The following IQSEC1 variants were observed in gnomAD, a reference collection of about 807,000 sequenced individuals.
IQSEC1 encodes the protein IQ motif and Sec7 domain ArfGEF 1, also known as IQ motif and SEC7 domain-containing protein 1.
A neutral mutation model predicts 91.0 loss-of-function variants in IQSEC1; 31 were observed. The ratio of observed to expected loss-of-function variants is 0.34; its 90% CI spans 0.26 to 0.46. The LOEUF is 0.46. Among genes scored for constraint, IQSEC1 ranks in the 20% least tolerant of loss-of-function variants. The pLI is 1.00. For synonymous variants in IQSEC1, 699 were observed against 662.6 expected (o/e 1.05, Z -0.84); for missense variants, 1,388 against 1,575.6 (o/e 0.88, Z 2.02).
At chr3:13,064,007 AAAAAAAAAC>A (rs536495175) in intron 1 of IQSEC1, among the ~76,000 whole-genome samples, 58 of 152,196 alleles carry the variant, frequency 3.8e-4, no homozygotes, top group African/African-American at 1.4e-3. Context: ...GTTGTAAAAA[AAAAAAAAAC>A]AAAAAACAAT....
intron 2 of IQSEC1, among the ~76,000 whole-genome samples, chr3:13,158,524 T>C (rs1436726567): frequency 6.6e-6 from 1 of 152,104 alleles, no homozygotes; most frequent in Non-Finnish European, 1.5e-5. Context: ...AGGCCCACCG[T>C]CTCCAGAATC....
chr3:13,194,164 T>G (rs547945282), intron 1 of IQSEC1, among the ~76,000 whole-genome samples: 1 of 152,232 alleles, frequency 6.6e-6, no homozygotes, highest in East Asian at 1.9e-4. Context: ...CCCTGTCTCC[T>G]CATCCCGTTC....
intron 1 of IQSEC1, among the ~76,000 whole-genome samples, chr3:13,222,043 A>G (rs1046822978): frequency 6.6e-6 from 1 of 152,166 alleles, no homozygotes; most frequent in Non-Finnish European, 1.5e-5. Context: ...CATAACACAC[A>G]TTTACCACCT....
At chr3:12,995,913 T>A (rs1372467469) in intron 1 of IQSEC1, among the ~76,000 whole-genome samples, 5 of 152,218 alleles carry the variant, frequency 3.3e-5, no homozygotes, top group Non-Finnish European at 5.9e-5. Flanking sequence ...GTGTGGTGGC[T>A]CATGCCTGTA....
At chr3:12,982,207 C>G (rs919285891) in intron 1 of IQSEC1, among the ~76,000 whole-genome samples, 3 of 152,190 alleles carry the variant, frequency 2.0e-5, no homozygotes, top group African/African-American at 7.2e-5. Context: ...TGTCCTTTAG[C>G]ATTTTATCAA....
intron 1 of IQSEC1, among the ~76,000 whole-genome samples, chr3:13,276,669 C>G (rs985603545): frequency 3.9e-5 from 6 of 152,190 alleles, no homozygotes; most frequent in African/African-American, 1.4e-4. Context: ...CAGAGCAAGG[C>G]CAAGGCTGAT....
chr3:13,016,063 C>T (rs532109841), intron 1 of IQSEC1, among the ~76,000 whole-genome samples: 1 of 152,022 alleles, frequency 6.6e-6, no homozygotes, highest in Non-Finnish European at 1.5e-5. Context: ...GGGTGCCCTA[C>T]TTACTTAGCA....
At chr3:12,947,596 G>A (rs940490696) in intron 1 of IQSEC1, among the ~76,000 whole-genome samples, 3 of 152,184 alleles carry the variant, frequency 2.0e-5, no homozygotes, top group Non-Finnish European at 2.9e-5. Context: ...AGATGGGAAT[G>A]GCCATGAGCA....
At chr3:13,245,765 T>TAA (rs1559285414) in intron 1 of IQSEC1, among the ~76,000 whole-genome samples, 2,208 of 106,560 alleles carry the variant, frequency 0.021, 64 homozygotes, top group African/African-American at 0.12. Flanking sequence ...AGACCCTGTT[T>TAA]CAAAAAAAAA....
chr3:13,076,582 A>C (rs1013080230), upstream of IQSEC1, among the ~76,000 whole-genome samples: 2 of 152,182 alleles, frequency 1.3e-5, no homozygotes, highest in African/African-American at 2.4e-5. Context: ...GAGCTCTTCA[A>C]GGCAGGGAGC....
intron 1 of IQSEC1, among the ~76,000 whole-genome samples, chr3:13,201,555 G>A (rs1391029125): frequency 1.3e-5 from 2 of 152,012 alleles, no homozygotes; most frequent in Admixed American, 1.3e-4. Context: ...TGTTGCTCAG[G>A]CTGGTCTCGA....
Position 13,211,464 on chromosome 3 carries a change from G to C in IQSEC1, c.273-47331C>G, listed in dbSNP as rs1403455347. On this transcript the variant is annotated intron_variant, in intron 1 of 15. Coordinates refer to the IQSEC1 transcript ENST00000648114. This position sits in a 1 kb window ranked among gnomAD's most constrained non-coding sequence, Gnocchi z 5.3. ...TGCCCCAGGTCACCTTACAAACAAA[G>C]ACCCCAACTCAGGGTCTCGGCTCTT... is the stretch of plus-strand genomic sequence containing the variant. Among the ~76,000 whole-genome samples the C allele has an allele frequency of 6.6e-6, 1 of 150,476 alleles. No homozygotes were observed. The highest frequency in any genetic ancestry group is 6.6e-5 in the Admixed American group (1 of 15,040).
chr3:12,950,410 G>A (rs1699463626), intron 1 of IQSEC1, among the ~76,000 whole-genome samples: 1 of 152,216 alleles, frequency 6.6e-6, no homozygotes, highest in Admixed American at 6.5e-5. Context: ...GCTCACGCCT[G>A]CAATCCTAGC....
intron 1 of IQSEC1, among the ~76,000 whole-genome samples, chr3:13,208,104 A>C (rs921530798): frequency 3.3e-5 from 5 of 151,378 alleles, no homozygotes; most frequent in Non-Finnish European, 7.4e-5. Flanking sequence ...AGAACATGGC[A>C]AGACTTGGGT....
intron 1 of IQSEC1, among the ~76,000 whole-genome samples, chr3:13,250,737 G>A (rs905919482): frequency 6.6e-6 from 1 of 151,812 alleles, no homozygotes; most frequent in Non-Finnish European, 1.5e-5. Flanking sequence ...AAAGTGCTGG[G>A]ATTGCAGGCA....
chr3:12,916,858 C>G (rs994722693), intron 6 of IQSEC1, among the ~76,000 whole-genome samples: 1 of 152,174 alleles, frequency 6.6e-6, no homozygotes, highest in African/African-American at 2.4e-5. Flanking sequence ...GCACATGGGC[C>G]GTTTCTCTTA....
Position 13,196,749 on chromosome 3 carries a change from CGTGTGTGTGTGTGTGTGT to C in IQSEC1, c.273-32634_273-32617del, listed in dbSNP as rs5846802. 7.8e-3 allele frequency among the ~76,000 whole-genome samples: 1,162 copies of C among 148,498 alleles called. 12 individuals carry two copies. Among genetic ancestry groups the C allele is most frequent in the African/African-American group, 0.026 (1,059 of 40,668 alleles). On this transcript the variant is annotated intron_variant, in intron 1 of 15. Transcript: ENST00000648114. ...GTGCGTGTGTATGTACATGTGTGTG[CGTGTGTGTGTGTGTGTGT>C]GTGTGTGTGTGTGTGTGTGTGTGGT... is the stretch of plus-strand genomic sequence containing the variant.
chr3:13,237,900 C>T (rs912060168), intron 1 of IQSEC1, among the ~76,000 whole-genome samples: 12 of 152,214 alleles, frequency 7.9e-5, no homozygotes, highest in African/African-American at 1.7e-4. Context: ...AGGCAGGGGG[C>T]GGGCCGAGGT....
chr3:13,073,743 TCGGGGCTCTGGCCCTGGAGTGA>T (rs1705513432), upstream of IQSEC1, among the ~76,000 whole-genome samples: 1 of 152,238 alleles, frequency 6.6e-6, no homozygotes, highest in Admixed American at 6.5e-5. Context: ...CGCGGAGCTC[TCGGGGCTCTGGCCCTGGAGTGA>T]GGCCGGCCGA....
Sources: gnomAD v4.1 joint callset for allele counts (sites outside exome capture counted in the v4.1 genomes callset) on GRCh38, gnomAD v4.1.1 for gene constraint, Gnocchi (gnomAD v3.1) non-coding constraint, MANE v1.5 for transcripts, NCBI Gene and HGNC (gene_info 2026-07-23, HGNC 2026-07-21) for gene names.